Variants in PDE4B observed in about 807,000 individuals in gnomAD.
PDE4B encodes the protein 3',5'-cyclic-AMP phosphodiesterase 4B.
In PDE4B, 20 loss-of-function variants were observed where a neutral mutation model predicts 82.2. That is an observed-to-expected ratio of 0.24 (90% confidence interval 0.17 to 0.35). The LOEUF (loss-of-function observed/expected upper bound fraction) is 0.35, where lower values mean the gene tolerates loss of function less well. PDE4B is among the 10% of genes least tolerant of loss of function. The pLI, the probability that PDE4B is intolerant of heterozygous loss-of-function variation, is 1.00. For missense variants in PDE4B, 655 were observed against 907.2 expected, an observed-to-expected ratio of 0.72 and a Z score of 3.57; for synonymous variants, 320 against 318.9, an observed-to-expected ratio of 1.00 and a Z score of -0.04.
At chr1:66,156,107 C>T (rs1414434310) in intron 3 of PDE4B, among the ~76,000 whole-genome samples, 1 of 152,042 alleles carries the variant, frequency 6.6e-6, no homozygotes, top group Non-Finnish European at 1.5e-5. Flanking sequence ...CTAATATTAC[C>T]TTAATATAGT....
chr1:66,107,217 GT>G (rs1645382513), intron 3 of PDE4B, among the ~76,000 whole-genome samples: 1 of 152,054 alleles, frequency 6.6e-6, no homozygotes, highest in South Asian at 2.1e-4. Context: ...TTCAGGAGCA[GT>G]TTGTTCAGTT....
chr1:65,885,211 A>G (rs1646759209), intron 1 of PDE4B, among the ~76,000 whole-genome samples: 1 of 152,174 alleles, frequency 6.6e-6, no homozygotes, highest in Non-Finnish European at 1.5e-5. Flanking sequence ...TCAGGAAACA[A>G]CAGGTGCTGG....
At chr1:66,362,487 A>G (rs370199060) in intron 10 of PDE4B, among the ~76,000 whole-genome samples, 1 of 152,166 alleles carries the variant, frequency 6.6e-6, no homozygotes, top group South Asian at 2.1e-4. Context: ...GGTTGATTAA[A>G]CATTAGGCCA....
chr1:66,150,866 G>C (rs1450489675), intron 3 of PDE4B, among the ~76,000 whole-genome samples: 3 of 152,080 alleles, frequency 2.0e-5, no homozygotes, highest in Non-Finnish European at 4.4e-5. Context: ...ACCAACCTTG[G>C]ATTCCTGGGT....
chr1:65,863,440 A>G (rs1453260239), intron 1 of PDE4B, among the ~76,000 whole-genome samples: 1 of 152,158 alleles, frequency 6.6e-6, no homozygotes, highest in Non-Finnish European at 1.5e-5. Flanking sequence ...GGTTAATTTT[A>G]GAATAAGTGC....
intron 3 of PDE4B, among the ~76,000 whole-genome samples, chr1:65,976,002 A>C (rs1650387027): frequency 6.6e-6 from 1 of 152,188 alleles, no homozygotes; most frequent in East Asian, 1.9e-4. Flanking sequence ...GACACTGCCC[A>C]GTGGAGCTGT....
At chr1:65,816,621 C>T (rs1232675876) in intron 1 of PDE4B, among the ~76,000 whole-genome samples, 1 of 152,038 alleles carries the variant, frequency 6.6e-6, no homozygotes. Flanking sequence ...GTTAGTCAAG[C>T]ACTATTTATA....
At chr1:66,235,132 A>G (rs988570546) in intron 3 of PDE4B, among the ~76,000 whole-genome samples, 1 of 152,202 alleles carries the variant, frequency 6.6e-6, no homozygotes, top group South Asian at 2.1e-4. Context: ...TATGACTTCA[A>G]ATTTTTTTGA....
At chr1:66,309,444 G>A (rs149963700) in intron 7 of PDE4B, among the ~76,000 whole-genome samples, 21 of 152,282 alleles carry the variant, frequency 1.4e-4, no homozygotes, top group African/African-American at 2.2e-4. Flanking sequence ...ATCAGATGAC[G>A]TGGTATATAA....
chr1:65,883,457 T>A (rs1156259124), intron 1 of PDE4B, among the ~76,000 whole-genome samples: 1 of 152,016 alleles, frequency 6.6e-6, no homozygotes, highest in Non-Finnish European at 1.5e-5. Context: ...GCTCTCTGTT[T>A]GTCTGTTATT....
intron 3 of PDE4B, among the ~76,000 whole-genome samples, chr1:66,002,249 T>C (rs1301443319): frequency 6.6e-6 from 1 of 152,186 alleles, no homozygotes; most frequent in Non-Finnish European, 1.5e-5. Context: ...ATACCGAACA[T>C]CTTTTAATGT....
intron 3 of PDE4B, among the ~76,000 whole-genome samples, chr1:65,975,539 T>A (rs1282547246): frequency 6.6e-6 from 1 of 152,214 alleles, no homozygotes; most frequent in Non-Finnish European, 1.5e-5. Context: ...TGAATGATAA[T>A]AGCCAAGACA....
chr1:65,967,548 T>C (rs1649902267), intron 3 of PDE4B, among the ~76,000 whole-genome samples: 1 of 152,182 alleles, frequency 6.6e-6, no homozygotes, highest in South Asian at 2.1e-4. Flanking sequence ...TAAATCATTC[T>C]ACTATAAAGA....
intron 7 of PDE4B, among the ~76,000 whole-genome samples, chr1:66,321,185 A>G (rs1260253599): frequency 1.3e-5 from 2 of 152,184 alleles, no homozygotes; most frequent in Non-Finnish European, 2.9e-5. Context: ...TTGGACTCTG[A>G]TTTGCCACTG....
intron 1 of PDE4B, among the ~76,000 whole-genome samples, chr1:65,811,992 A>G (rs1645826916): frequency 6.6e-6 from 1 of 152,184 alleles, no homozygotes; most frequent in African/African-American, 2.4e-5. Context: ...CCCCAGGACC[A>G]TTAAAAGACA....
At chr1:66,114,130 T>A (rs1645543777) in intron 3 of PDE4B, among the ~76,000 whole-genome samples, 1 of 152,160 alleles carries the variant, frequency 6.6e-6, no homozygotes, top group South Asian at 2.1e-4. Flanking sequence ...AGAGTTGCCA[T>A]GGCCCTTCCA....
intron 6 of PDE4B, 86 bp downstream of exon 6, chr1:66,257,949 C>T: frequency 5.6e-6 from 5 of 891,184 alleles, no homozygotes; most frequent in Admixed American, 2.1e-5. Context: ...ACAACTATTA[C>T]ATGGAAAATT....
intron 1 of PDE4B, among the ~76,000 whole-genome samples, chr1:65,892,562 C>T (rs930843605): frequency 5.3e-5 from 8 of 152,050 alleles, no homozygotes; most frequent in African/African-American, 1.9e-4. Context: ...AGCTTCTCTC[C>T]ACTTAAAAGC....
chr1:65,810,908 G>A (rs1035205736), intron 1 of PDE4B, among the ~76,000 whole-genome samples: 8 of 152,024 alleles, frequency 5.3e-5, no homozygotes, highest in African/African-American at 7.3e-5. Flanking sequence ...TAAACGCTTC[G>A]AATACGTTAG....
Sources: gnomAD v4.1 joint callset for allele counts (sites outside exome capture counted in the v4.1 genomes callset) on GRCh38, gnomAD v4.1.1 for gene constraint, MANE v1.5 for transcripts, NCBI Gene and HGNC (gene_info 2026-07-23, HGNC 2026-07-21) for gene names.